Variants in SLC27A2 observed in about 807,000 individuals in gnomAD.
The protein encoded by SLC27A2 is solute carrier family 27 member 2, also known as long-chain fatty acid transport protein 2.
SLC27A2 carries 54 observed loss-of-function variants against 60.0 expected under a neutral mutation model. The ratio of observed to expected loss-of-function variants is 0.90; its 90% CI spans 0.72 to 1.13. SLC27A2 has a LOEUF of 1.13. Among genes scored for constraint, SLC27A2 ranks in the 50% most tolerant of loss-of-function variants. SLC27A2 has a pLI of 0.00. For synonymous variants in SLC27A2, 297 were observed against 297.6 expected (o/e 1.00, Z 0.02); for missense variants, 739 against 777.6 (o/e 0.95, Z 0.59).
intron 4 of SLC27A2, 23 bp downstream of exon 4, chr15:50,205,386 A>G: frequency 6.3e-7 from 1 of 1,589,318 alleles, no homozygotes; most frequent in Non-Finnish European, 8.6e-7. Context: ...CCGTTTTACT[A>G]TCATTTTGAA....
intron 4 of SLC27A2, among the ~76,000 whole-genome samples, chr15:50,218,205 C>G (rs28569877): frequency 6.7e-5 from 10 of 149,740 alleles, no homozygotes. Context: ...GACTTGAAAA[C>G]TAAAATGATG....
rs182795565 is a variant in SLC27A2, at chr15:50,203,878, T to G, written c.847+1233T>G. Among the ~76,000 whole-genome samples, 6 of 152,200 alleles carry G rather than the reference T, an allele frequency of 3.9e-5. No individual in the cohort carries two copies. In the East Asian group the frequency reaches 1.2e-3, roughly 29 times the overall value. ...TCCATGTAAGGACACAGGGAGATGA[T>G]GACCATCCCCAAACCAGGAAAAATG... On this transcript the variant is annotated intron_variant, in intron 3 of 9. Coordinates refer to ENST00000267842, the MANE Select transcript of SLC27A2 (RefSeq NM_003645.4).
intron 4 of SLC27A2, among the ~76,000 whole-genome samples, chr15:50,216,637 T>C (rs960008297): frequency 0.019 from 2,439 of 127,900 alleles, 125 homozygotes; most frequent in Non-Finnish European, 0.032. Context: ...TATATATATA[T>C]ATATATATAT....
chr15:50,196,168 G>A (rs140671307), intron 1 of SLC27A2, among the ~76,000 whole-genome samples: 1 of 129,126 alleles, frequency 7.7e-6, no homozygotes, highest in East Asian at 2.5e-4. Flanking sequence ...AGACAAGTAG[G>A]CTTAAAAGCA....
intron 4 of SLC27A2, among the ~76,000 whole-genome samples, chr15:50,206,955 A>G (rs2140904476): frequency 6.6e-6 from 1 of 152,314 alleles, no homozygotes; most frequent in Middle Eastern, 3.4e-3. Context: ...TATTTTCCAC[A>G]GCAGTTCTGT....
chr15:50,208,743 T>G lies in SLC27A2; in HGVS notation c.972+3380T>G, dbSNP rs560448135. Among the ~76,000 whole-genome samples, 5 of 152,336 alleles carry G rather than the reference T, an allele frequency of 3.3e-5. No individual in the cohort carries two copies. The South Asian group carries it at 1.0e-3, about 32-fold the overall frequency. The stretch of plus-strand genomic sequence containing the variant: ...GGATGGGATAGCAAAGCTACTGACT[T>G]AAGTGATTTTTAAAATATTATAGTG... On this transcript the variant is annotated intron_variant, in intron 4 of 9. Transcript: ENST00000267842.
chr15:50,207,869 T>A lies in SLC27A2; in HGVS notation c.972+2506T>A, dbSNP rs140243850. On this transcript the variant is annotated intron_variant, in intron 4 of 9. Coordinates refer to ENST00000267842, the MANE Select transcript of SLC27A2 (RefSeq NM_003645.4). ...AGCAGGAGATCTATGCAAATTTTTT[T>A]AAATTTAATCATAGGTCATCATAGG... Among the ~76,000 whole-genome samples, 904 of 151,040 alleles carry A rather than the reference T, an allele frequency of 6.0e-3. 10 individuals are homozygous for A. The highest frequency in any genetic ancestry group is 0.021 in the African/African-American group (876 of 41,032).
chr15:50,195,835 C>A (rs974172887), intron 1 of SLC27A2, among the ~76,000 whole-genome samples: 2 of 150,482 alleles, frequency 1.3e-5, no homozygotes, highest in African/African-American at 4.9e-5. Flanking sequence ...GCGGGCGGAT[C>A]CCGAGGTCAG....
At chr15:50,229,084 T>G (rs772531168) in intron 8 of SLC27A2, 42 bp downstream of exon 8, 2 of 1,409,974 alleles carry the variant, frequency 1.4e-6, no homozygotes, top group South Asian at 2.4e-5. Context: ...ATAGAGTAAC[T>G]GAACATAATT....
intron 7 of SLC27A2, among the ~76,000 whole-genome samples, chr15:50,227,482 G>A (rs2045286719): frequency 6.6e-6 from 1 of 152,164 alleles, no homozygotes; most frequent in Non-Finnish European, 1.5e-5. Context: ...TCACTCTTAG[G>A]ACAGCCAAGG....
chr15:50,208,011 T>G (rs544864073), intron 4 of SLC27A2, among the ~76,000 whole-genome samples: 1 of 150,828 alleles, frequency 6.6e-6, no homozygotes, highest in Non-Finnish European at 1.5e-5. Flanking sequence ...CCTGGATCAA[T>G]GTAATCAGGA....
At chr15:50,205,090 T>C in intron 3 of SLC27A2, 149 bp from the exon 4 acceptor site, 1 of 813,124 alleles carries the variant, frequency 1.2e-6, no homozygotes, top group African/African-American at 1.7e-5. Context: ...TCTTACTAAT[T>C]TTTTGCATTT....
chr15:50,223,729 A>G (rs9920511), intron 5 of SLC27A2, among the ~76,000 whole-genome samples: 24,022 of 152,166 alleles, frequency 0.16, 1,913 homozygotes, highest in Middle Eastern at 0.18. Flanking sequence ...TTTATTGCTC[A>G]TGGGTCTCTG....
chr15:50,213,490 C>A (rs922259212), intron 4 of SLC27A2, among the ~76,000 whole-genome samples: 5 of 152,188 alleles, frequency 3.3e-5, no homozygotes, highest in African/African-American at 1.2e-4. Context: ...CATCCAACAG[C>A]AGCAGAATAC....
At chr15:50,235,814 G>A (rs1456010218) in intron 9 of SLC27A2, 106 bp from the exon 10 acceptor site, 18 of 740,874 alleles carry the variant, frequency 2.4e-5, no homozygotes, top group Middle Eastern at 2.7e-4. Context: ...ATGAGCCAGG[G>A]ATGCTAATGA....
chr15:50,189,403 G>A (rs368324396), intron 1 of SLC27A2, among the ~76,000 whole-genome samples: 1 of 152,180 alleles, frequency 6.6e-6, no homozygotes, highest in Non-Finnish European at 1.5e-5. Context: ...GAGTAGGGTG[G>A]TGGAGGACCC....
intron 3 of SLC27A2, 35 bp from the exon 4 acceptor site, chr15:50,205,204 T>C (rs534585457): frequency 2.6e-6 from 4 of 1,566,602 alleles, no homozygotes; most frequent in East Asian, 4.6e-5. Context: ...TTTTCCACCA[T>C]TTCTTTCTTG....
chr15:50,210,770 G>A (rs1037300718), intron 4 of SLC27A2, among the ~76,000 whole-genome samples: 1 of 152,190 alleles, frequency 6.6e-6, no homozygotes, highest in African/African-American at 2.4e-5. Context: ...CCCTCCACCT[G>A]GAAACAGACT....
intron 8 of SLC27A2, among the ~76,000 whole-genome samples, chr15:50,232,563 C>G (rs1407867690): frequency 6.6e-6 from 1 of 152,144 alleles, no homozygotes; most frequent in Admixed American, 6.5e-5. Flanking sequence ...CTGAACTAGT[C>G]CCAAACCACC....
Sources: gnomAD v4.1 joint callset for allele counts (sites outside exome capture counted in the v4.1 genomes callset) on GRCh38, gnomAD v4.1.1 for gene constraint, MANE v1.5 for transcripts, NCBI Gene and HGNC (gene_info 2026-07-23, HGNC 2026-07-21) for gene names.